SLC26A9: variants seen among roughly 807,000 people sequenced by gnomAD.
SLC26A9 encodes anion transporter/exchanger protein 9.
Under a neutral mutation model 87.1 loss-of-function variants are expected in SLC26A9, and 46 were observed. That is an observed-to-expected ratio of 0.53 (90% CI 0.42 to 0.67). The LOEUF (loss-of-function observed/expected upper bound fraction) is 0.67. Ranked by LOEUF, SLC26A9 falls within the 30% of genes least tolerant of loss-of-function variation. SLC26A9 has a pLI of 0.00. For missense variants in SLC26A9, 927 were observed against 1,018.3 expected, an observed-to-expected ratio of 0.91 and a Z score of 1.22; for synonymous variants, 437 against 409.1, an observed-to-expected ratio of 1.07 and a Z score of -0.82.
chr1:205,921,870 CAG>C, intron 16 of SLC26A9, 23 bp from the exon 17 acceptor site: 1 of 1,594,552 alleles, frequency 6.3e-7, no homozygotes, highest in Non-Finnish European at 8.5e-7. Context: ...GGACAGTGGG[CAG>C]AGTCAGGGAC....
Position 205,914,813 on chromosome 1 carries a change from G to A in SLC26A9, c.*544C>T. On this transcript the variant is annotated 3_prime_UTR_variant, in exon 21 of 21. Transcript: ENST00000367135. Reference sequence around the variant, plus strand: ...AGACTCCTGGGTGTGGAGAGCACATGGTCCCTGGGTGCAGAGCTGCCAGAG... The same window carrying A: ...AGACTCCTGGGTGTGGAGAGCACATAGTCCCTGGGTGCAGAGCTGCCAGAG... 3 of 1,516,266 alleles carry A rather than the reference G, an allele frequency of 2.0e-6. No homozygotes were observed. Among genetic ancestry groups the A allele is most frequent in the Non-Finnish European group, 2.7e-6 (3 of 1,118,546 alleles). 93.9% of individuals were successfully genotyped at this position (1,516,266 alleles called of 1,614,324 possible). A position where few individuals can be genotyped will look rare whatever the true frequency, so the allele number is the denominator to read the frequency against.
intron 6 of SLC26A9, 137 bp from the exon 7 acceptor site, chr1:205,929,493 G>C (rs2102590440): frequency 7.4e-7 from 1 of 1,359,198 alleles, no homozygotes. Context: ...ACCCTGATCA[G>C]GAACCCTGTC....
Position 205,917,336 on chromosome 1 carries a change from G to T in SLC26A9, c.2275C>A (p.Leu759Ile), listed in dbSNP as rs1383949622. ...TCCTCCTCTGAGTCGTACAAGGAGA[G>T]CTCAGCATCCCCTGGAGCCTGGAAG... Reference protein sequence around the residue: ...NFQGAPGDAELSLYDSEEDIR... With the variant: ...NFQGAPGDAEISLYDSEEDIR... The change falls in exon 20 of 21, where the codon CTC becomes ATC. Residue 759 changes from leucine to isoleucine, a missense_variant. Leu to Ile is a conservative substitution (Grantham distance 5, BLOSUM62 2). Transcript: ENST00000367135. The T allele has an allele frequency of 1.1e-5, 17 of 1,613,912 alleles. No homozygotes were observed. Among genetic ancestry groups the T allele is most frequent in the Non-Finnish European group, 1.4e-5 (16 of 1,180,004 alleles).
chr1:205,919,675 C>T (rs1048398199), intron 18 of SLC26A9, among the ~76,000 whole-genome samples: 1 of 152,146 alleles, frequency 6.6e-6, no homozygotes, highest in African/African-American at 2.4e-5. Flanking sequence ...CCTGTGGCCA[C>T]GTCCTTGAGG....
chr1:205,921,849 T>C lies in SLC26A9; in HGVS notation c.1774-2A>G. 6.2e-7 allele frequency: 1 copy of C among 1,603,076 alleles called. No individual in the cohort carries two copies. Among genetic ancestry groups the C allele is most frequent in the Admixed American group, 1.7e-5 (1 of 58,812 alleles). Reference sequence around the variant, plus strand: ...CTGCAGCTCCTGCAGGGAGACAGTCTGGAAGGGTGGGGACAGTGGGCAGAG... The same window carrying C: ...CTGCAGCTCCTGCAGGGAGACAGTCCGGAAGGGTGGGGACAGTGGGCAGAG... On this transcript the variant is annotated splice_acceptor_variant, in intron 16 of 20. Coordinates refer to ENST00000367135, the MANE Select transcript of SLC26A9 (RefSeq NM_052934.4). LOFTEE classifies it high-confidence loss of function.
In SLC26A9 at chr1:205,914,946, C is replaced by A; in HGVS notation, c.*411G>T. ...ACACCGAGCCGTGTGGGCTCTGGGA[C>A]ACTTTTTGAAGCTTGTACAGCAGGC... On this transcript the variant is annotated 3_prime_UTR_variant, in exon 21 of 21. Transcript: ENST00000367135. 1 of 1,614,164 alleles carries A rather than the reference C, an allele frequency of 6.2e-7. No individual in the cohort carries two copies. The highest frequency in any genetic ancestry group is 1.7e-5 in the Admixed American group (1 of 60,024).
chr1:205,923,674 G>C, intron 13 of SLC26A9, 61 bp from the exon 14 acceptor site: 1 of 1,603,766 alleles, frequency 6.2e-7, no homozygotes, highest in Non-Finnish European at 8.5e-7. Context: ...GCCTGGAAGG[G>C]TGCCCCTGCT....
In SLC26A9 at chr1:205,921,652, G is replaced by C. The variant is rs1366603817; in HGVS notation, c.1969C>G (p.Pro657Ala). The change falls in exon 17 of 21, where the codon CCA becomes GCA. Residue 657 changes from proline (P) to alanine (A), a missense_variant. Transcript: ENST00000367135. Reference protein sequence around the residue: ...GEPSDMLASVPPFVTFHTLIL... With the variant: ...GEPSDMLASVAPFVTFHTLIL... The stretch of plus-strand genomic sequence containing the variant: ...AGGGTGTGGAAGGTGACGAAGGGTG[G>C]GACGCTGGCCAGCATGTCACTGGGC... The C allele has an allele frequency of 5.0e-6, 8 of 1,607,284 alleles. No homozygotes were observed. Among genetic ancestry groups the C allele is most frequent in the South Asian group, 1.1e-5 (1 of 89,826 alleles).
chr1:205,923,727 C>A, intron 13 of SLC26A9, 114 bp from the exon 14 acceptor site: 1 of 1,092,152 alleles, frequency 9.2e-7, no homozygotes, highest in Non-Finnish European at 1.4e-6. Flanking sequence ...CCTGTCCTCA[C>A]CCCCAGACTT....
intron 20 of SLC26A9, among the ~76,000 whole-genome samples, chr1:205,916,277 A>AATTTTT (rs1309064799): frequency 1.3e-5 from 2 of 152,126 alleles, no homozygotes; most frequent in African/African-American, 2.4e-5. Context: ...TTGTGCTTTT[A>AATTTTT]GTAGAGACGG....
In SLC26A9 at chr1:205,915,066, TG is replaced by T. The variant is rs770543770; in HGVS notation, c.*290del. ...CTGCCAAGGACAGGGCAGAGGTGGG[TG>T]GGGTGGAGTGAGCAGGAGGCTTGTC... On this transcript the variant is annotated 3_prime_UTR_variant, in exon 21 of 21. Transcript: ENST00000367135. The T allele has an allele frequency of 3.6e-5, 58 of 1,613,758 alleles. 1 individual carries two copies. In the South Asian group the frequency reaches 6.2e-4, roughly 17 times the overall value.
In SLC26A9 at chr1:205,923,611, C is replaced by T. The variant is rs1658939438; in HGVS notation, c.1499G>A (p.Arg500Gln). The change falls in exon 14 of 21, where the codon CGA becomes CAA. Residue 500 changes from arginine (R) to glutamine (Q), a missense_variant and splice_region_variant. Coordinates refer to ENST00000367135, the MANE Select transcript of SLC26A9 (RefSeq NM_052934.4). ...VLVVVFQTQF[R>Q]NGYALAQVMD... ...GACCTGGGCCAGTGCATAGCCATTT[C>T]GACTGGATGAAGCAGGAAGAGAAAA... is the stretch of plus-strand genomic sequence containing the variant. The T allele has an allele frequency of 5.6e-6, 9 of 1,614,004 alleles. No homozygotes were observed. The highest frequency in any genetic ancestry group is 1.1e-5 in the South Asian group (1 of 91,064).
chr1:205,917,743 G>T (rs1338576707), intron 19 of SLC26A9, among the ~76,000 whole-genome samples: 1 of 152,090 alleles, frequency 6.6e-6, no homozygotes, highest in Non-Finnish European at 1.5e-5. Context: ...TGTTGAAAAG[G>T]TGTGTGTTTA....
intron 8 of SLC26A9, 93 bp from the exon 9 acceptor site, chr1:205,928,142 C>A: frequency 6.9e-7 from 1 of 1,447,156 alleles, no homozygotes. Context: ...AGCCAGGCCC[C>A]CATGGTGTGC....
chr1:205,929,640 G>A (rs1364786548), intron 6 of SLC26A9, among the ~76,000 whole-genome samples: 2 of 152,228 alleles, frequency 1.3e-5, no homozygotes, highest in Non-Finnish European at 2.9e-5. Flanking sequence ...TTCCAGGCAG[G>A]GAGGGGTTGA....
chr1:205,938,046 G>A lies in SLC26A9; in HGVS notation c.-18-2208C>T, dbSNP rs115777557. Among the ~76,000 whole-genome samples the A allele has an allele frequency of 5.1e-3, 772 of 152,112 alleles. 2 individuals carry two copies. Among genetic ancestry groups the A allele is most frequent in the African/African-American group, 0.018 (735 of 41,466 alleles). Reference sequence around the variant, plus strand: ...GCTGCTTTCAAAGGGTCTAAGTTCCGGTAGTGTGTTTGCGGGGAAGGGAGT... The same window carrying A: ...GCTGCTTTCAAAGGGTCTAAGTTCCAGTAGTGTGTTTGCGGGGAAGGGAGT... On this transcript the variant is annotated intron_variant, in intron 1 of 20. Coordinates refer to ENST00000367135, the MANE Select transcript of SLC26A9 (RefSeq NM_052934.4).
chr1:205,941,128 G>T (rs1368768514), intron 1 of SLC26A9, among the ~76,000 whole-genome samples: 1 of 152,090 alleles, frequency 6.6e-6, no homozygotes, highest in Non-Finnish European at 1.5e-5. Flanking sequence ...GGATGTAGAG[G>T]CCTCTGCACC....
intron 1 of SLC26A9, among the ~76,000 whole-genome samples, chr1:205,941,621 T>C (rs1659749497): frequency 6.6e-6 from 1 of 152,172 alleles, no homozygotes; most frequent in Admixed American, 6.5e-5. Flanking sequence ...GCATCCCGTG[T>C]AGGAGAGAGA....
intron 5 of SLC26A9, among the ~76,000 whole-genome samples, chr1:205,931,180 C>T (rs1246219540): frequency 6.6e-6 from 1 of 152,194 alleles, no homozygotes; most frequent in Non-Finnish European, 1.5e-5. Flanking sequence ...TTATGTTGTG[C>T]AACTGCTGCT....
Sources: gnomAD v4.1 joint callset for allele counts (sites outside exome capture counted in the v4.1 genomes callset) on GRCh38, gnomAD v4.1.1 for gene constraint, MANE v1.5 for transcripts, NCBI Gene and HGNC (gene_info 2026-07-23, HGNC 2026-07-21) for gene names.